Variants in FSTL5 observed in about 807,000 individuals in gnomAD.
The protein encoded by FSTL5 is follistatin like 5.
In FSTL5, 62 loss-of-function variants were observed where a neutral mutation model predicts 89.1. That is an observed-to-expected ratio of 0.70 (90% CI 0.57 to 0.86). The LOEUF (loss-of-function observed/expected upper bound fraction) is 0.86, where lower values mean the gene tolerates loss of function less well. FSTL5 is among the 40% of genes least tolerant of loss of function. FSTL5 has a pLI of 0.00. For synonymous variants in FSTL5, 383 were observed against 346.2 expected (o/e 1.11, Z -1.18); for missense variants, 1,057 against 1,001.6 (o/e 1.06, Z -0.75).
At chr4:161,726,465 T>A (rs1281396163) in intron 6 of FSTL5, among the ~76,000 whole-genome samples, 2 of 151,950 alleles carry the variant, frequency 1.3e-5, no homozygotes, top group African/African-American at 4.8e-5. Context: ...TGACCTCAAG[T>A]GGTCCGCCCA....
At chr4:161,550,853 G>C (rs867064285) in intron 8 of FSTL5, among the ~76,000 whole-genome samples, 7 of 151,748 alleles carry the variant, frequency 4.6e-5, no homozygotes, top group Admixed American at 2.6e-4. Context: ...TTGTTCTTGC[G>C]ATAGTTTGCT....
At position 161,760,559 on chromosome 4, in the gene FSTL5, G is replaced by T. The variant is rs183121707; in HGVS notation, c.607-1028C>A. ...TCCTCAATTAGAAAATGAATGTGAA[G>T]ATTTACACACACACACATGCACACA... is the stretch of plus-strand genomic sequence containing the variant. On this transcript the variant is annotated intron_variant, in intron 5 of 15. Transcript: ENST00000306100. 1.2e-4 allele frequency among the ~76,000 whole-genome samples: 19 copies of T among 152,244 alleles called. No homozygotes were observed. In the East Asian group the frequency reaches 3.1e-3, roughly 25 times the overall value.
chr4:161,571,108 A>T (rs1229834056), intron 8 of FSTL5, among the ~76,000 whole-genome samples: 4 of 145,028 alleles, frequency 2.8e-5, no homozygotes, highest in Non-Finnish European at 6.0e-5. Flanking sequence ...GACTCCGTTT[A>T]AAAAAAAAAA....
At chr4:161,772,788 C>A (rs1741253428) in intron 5 of FSTL5, among the ~76,000 whole-genome samples, 1 of 151,878 alleles carries the variant, frequency 6.6e-6, no homozygotes, top group South Asian at 2.1e-4. Flanking sequence ...ATCTATAAAT[C>A]CAATGCAATT....
intron 3 of FSTL5, among the ~76,000 whole-genome samples, chr4:161,963,023 G>A (rs1735224976): frequency 6.6e-6 from 1 of 151,966 alleles, no homozygotes; most frequent in Non-Finnish European, 1.5e-5. Flanking sequence ...CTTGCTAGCT[G>A]TATTTTGTTT....
At chr4:161,835,634 G>A (rs1215536038) in intron 4 of FSTL5, among the ~76,000 whole-genome samples, 1 of 151,908 alleles carries the variant, frequency 6.6e-6, no homozygotes, top group Non-Finnish European at 1.5e-5. Context: ...CCATCAAAAA[G>A]TGGGTGAAGG....
At chr4:161,391,703 A>G (rs1730829230) in intron 15 of FSTL5, among the ~76,000 whole-genome samples, 1 of 152,192 alleles carries the variant, frequency 6.6e-6, no homozygotes, top group African/African-American at 2.4e-5. Flanking sequence ...CTGTTTATAA[A>G]GGGTGGTCAC....
intron 6 of FSTL5, among the ~76,000 whole-genome samples, chr4:161,708,674 G>A (rs555591263): frequency 5.9e-5 from 9 of 151,676 alleles, no homozygotes; most frequent in East Asian, 3.9e-4. Flanking sequence ...CCATGACTGC[G>A]ACTTTGTTGC....
chr4:161,939,431 T>A (rs939131045), intron 3 of FSTL5, among the ~76,000 whole-genome samples: 10 of 151,976 alleles, frequency 6.6e-5, no homozygotes, highest in Non-Finnish European at 1.3e-4. Context: ...ATATTTTTAT[T>A]TAAGTCCCAA....
At chr4:161,772,314 C>CACA (rs778900872) in intron 5 of FSTL5, among the ~76,000 whole-genome samples, 46 of 152,186 alleles carry the variant, frequency 3.0e-4, no homozygotes, top group Admixed American at 1.8e-3. Flanking sequence ...TATTAACAGA[C>CACA]ACTGTTAAGA....
At chr4:161,624,578 A>G (rs1458051665) in intron 7 of FSTL5, among the ~76,000 whole-genome samples, 1 of 151,778 alleles carries the variant, frequency 6.6e-6, no homozygotes, top group Admixed American at 6.6e-5. Flanking sequence ...AATACTAAAA[A>G]CTTTAATACA....
chr4:161,510,267 A>G (rs1274075440), intron 11 of FSTL5, 131 bp downstream of exon 11: 13 of 663,430 alleles, frequency 2.0e-5, no homozygotes, highest in Admixed American at 3.6e-5. Context: ...ACACAAAAAT[A>G]TTGAAATACC....
rs1483627958 is a variant in FSTL5, at chr4:162,112,099, TC to T, written c.-16-688del. ...AACTCATTATTGTATAAATACTAAGTCCTTTTCAAACATACAAATCTAAGCT... is the reference window on the plus strand; with the variant it reads ...AACTCATTATTGTATAAATACTAAGTCTTTTCAAACATACAAATCTAAGCT... On this transcript the variant is annotated intron_variant, in intron 1 of 15. Transcript: ENST00000306100. Among the ~76,000 whole-genome samples, 4 of 152,296 alleles carry T rather than the reference TC, an allele frequency of 2.6e-5. No individual in the cohort carries two copies. The East Asian group carries it at 7.7e-4, about 29-fold the overall frequency.
intron 6 of FSTL5, among the ~76,000 whole-genome samples, chr4:161,659,393 A>T (rs190771518): frequency 6.6e-6 from 1 of 152,282 alleles, no homozygotes; most frequent in East Asian, 1.9e-4. Context: ...TCCTGAAATA[A>T]ATTTAGCAGC....
At chr4:161,630,111 CCTT>C (rs780583009) in intron 7 of FSTL5, among the ~76,000 whole-genome samples, 10 of 152,184 alleles carry the variant, frequency 6.6e-5, no homozygotes, top group Non-Finnish European at 1.3e-4. Context: ...AGCCCTTACT[CCTT>C]CTTCCCCTCC....
At chr4:161,988,795 T>C (rs1163884971) in intron 3 of FSTL5, among the ~76,000 whole-genome samples, 1 of 152,148 alleles carries the variant, frequency 6.6e-6, no homozygotes, top group Non-Finnish European at 1.5e-5. Flanking sequence ...ATTCTAATAA[T>C]GAAATAACCC....
At chr4:162,067,356 T>A (rs2111299687) in intron 2 of FSTL5, among the ~76,000 whole-genome samples, 1 of 152,200 alleles carries the variant, frequency 6.6e-6, no homozygotes, top group Admixed American at 6.6e-5. Flanking sequence ...TTTGGCCTAT[T>A]CTTTGTTTTC....
chr4:162,079,382 G>C (rs1290866809), intron 2 of FSTL5, among the ~76,000 whole-genome samples: 1 of 151,558 alleles, frequency 6.6e-6, no homozygotes, highest in African/African-American at 2.4e-5. Flanking sequence ...AGTATGGAAG[G>C]TTTTAGCTGT....
chr4:161,617,789 A>T (rs1734952097), intron 7 of FSTL5, among the ~76,000 whole-genome samples: 1 of 152,212 alleles, frequency 6.6e-6, no homozygotes, highest in Admixed American at 6.5e-5. Context: ...GTCCAGTGAA[A>T]ATATTTGTTG....
Sources: allele counts gnomAD v4.1 joint callset (sites outside exome capture counted in the v4.1 genomes callset), GRCh38; gene constraint gnomAD v4.1.1; transcripts MANE v1.5; gene names NCBI Gene and HGNC (gene_info 2026-07-23, HGNC 2026-07-21).